The following KIF26B variants were observed in gnomAD, a reference collection of about 807,000 sequenced individuals.
KIF26B encodes kinesin-like protein KIF26B.
In KIF26B, 63 loss-of-function variants were observed where a neutral mutation model predicts 151.2. The observed-to-expected ratio is 0.42, with a 90% CI of 0.34 to 0.51. KIF26B has a LOEUF of 0.51. Ranked by LOEUF, KIF26B falls within the 20% of genes least tolerant of loss-of-function variation. The pLI, the probability that KIF26B is intolerant of heterozygous loss-of-function variation, is 0.07. For missense variants in KIF26B, 2,813 were observed against 2,913.6 expected, an observed-to-expected ratio of 0.97 and a Z score of 0.79; for synonymous variants, 1,357 against 1,262.1, an observed-to-expected ratio of 1.08 and a Z score of -1.59.
intron 2 of KIF26B, among the ~76,000 whole-genome samples, chr1:245,259,108 G>A (rs1375359911): frequency 6.6e-6 from 1 of 152,220 alleles, no homozygotes; most frequent in Non-Finnish European, 1.5e-5. Context: ...AAGTTACATG[G>A]CAGTGCTGGC....
chr1:245,641,141 A>G (rs1490146535), intron 9 of KIF26B, among the ~76,000 whole-genome samples: 1 of 152,018 alleles, frequency 6.6e-6, no homozygotes, highest in Non-Finnish European at 1.5e-5. Context: ...AGCACTTTGA[A>G]TAATATCATC....
intron 4 of KIF26B, chr1:245,511,103 T>C: frequency 1.4e-6 from 1 of 717,504 alleles, no homozygotes; most frequent in South Asian, 1.5e-5. Context: ...CCATGACTTA[T>C]CAATGATGAT....
At chr1:245,335,656 G>A (rs888812092) in intron 2 of KIF26B, among the ~76,000 whole-genome samples, 2 of 148,652 alleles carry the variant, frequency 1.3e-5, no homozygotes, top group Non-Finnish European at 3.0e-5. Context: ...GAGGGGAAAG[G>A]GGGGTCCCAC....
rs767053863 is a variant in KIF26B at position 245,686,928 on chromosome 1, C to T, written c.3945C>T (p.Ala1315=). 1.2e-5 allele frequency: 19 copies of T among 1,613,234 alleles called. No individual in the cohort carries two copies. Among genetic ancestry groups the T allele is most frequent in the Non-Finnish European group, 1.5e-5 (18 of 1,179,738 alleles). The change falls in exon 12 of 15, where the codon GCC becomes GCT. Residue 1315 remains alanine, a synonymous_variant. Coordinates refer to ENST00000407071, the MANE Select transcript of KIF26B (RefSeq NM_018012.4). The surrounding 1 kb of genome is among the most constrained non-coding windows in gnomAD (Gnocchi z 5.6). ...GGGAGGCAATGGCAGAACCTGTGGCCTCGGAGTTTGTCAGCAGCCTCCAGA... is the reference window on the plus strand; with the variant it reads ...GGGAGGCAATGGCAGAACCTGTGGCTTCGGAGTTTGTCAGCAGCCTCCAGA... ...GHGEAMAEPV[A]SEFVSSLQNT...
At chr1:245,209,438 C>T (rs997874102) in intron 2 of KIF26B, among the ~76,000 whole-genome samples, 1 of 151,714 alleles carries the variant, frequency 6.6e-6, no homozygotes, top group African/African-American at 2.4e-5. Flanking sequence ...AAAAAGAAAA[C>T]ATTAACAAAT....
chr1:245,656,315 C>T (rs1028294623), intron 10 of KIF26B, among the ~76,000 whole-genome samples: 2 of 152,218 alleles, frequency 1.3e-5, no homozygotes, highest in Admixed American at 6.5e-5. Flanking sequence ...TCTCTACTCA[C>T]GCTCATCTGT....
rs180733050 is a variant in KIF26B at position 245,280,429 on chromosome 1, G to T, written c.466-86405G>T. ...GCCTATACTCCCAGTTGCTCGGGAG[G>T]CTGAGGCAGGAGAATGGCGTGAACC... On this transcript the variant is annotated intron_variant, in intron 2 of 14. Coordinates refer to ENST00000407071, the MANE Select transcript of KIF26B (RefSeq NM_018012.4). Among the ~76,000 whole-genome samples, 303 of 149,850 alleles carry T rather than the reference G, an allele frequency of 2.0e-3. 2 individuals are homozygous for T. Among genetic ancestry groups the T allele is most frequent in the African/African-American group, 7.2e-3 (292 of 40,746 alleles).
intron 2 of KIF26B, chr1:245,283,164 C>A (rs1444695810): frequency 1.3e-5 from 2 of 159,032 alleles, no homozygotes; most frequent in African/African-American, 2.4e-5. Flanking sequence ...TCAAAAACAA[C>A]ACGCCTTTAC....
At chr1:245,382,470 T>A (rs945731685) in intron 3 of KIF26B, among the ~76,000 whole-genome samples, 2 of 152,168 alleles carry the variant, frequency 1.3e-5, no homozygotes, top group African/African-American at 4.8e-5. Context: ...CTGTGAAGAT[T>A]AAGTTCATTA....
At chr1:245,604,118 A>G (rs1213567937) in intron 6 of KIF26B, among the ~76,000 whole-genome samples, 1 of 152,172 alleles carries the variant, frequency 6.6e-6, no homozygotes, top group Admixed American at 6.5e-5. Flanking sequence ...GATTGCAGAA[A>G]TGAATAACCC....
At chr1:245,677,194 C>G (rs1405146768) in intron 10 of KIF26B, among the ~76,000 whole-genome samples, 1 of 152,212 alleles carries the variant, frequency 6.6e-6, no homozygotes, top group Admixed American at 6.5e-5. Flanking sequence ...AAGGCTGGTC[C>G]TTCAGCCAGA....
At chr1:245,504,956 TGA>T (rs1239404196) in intron 4 of KIF26B, among the ~76,000 whole-genome samples, 1 of 152,230 alleles carries the variant, frequency 6.6e-6, no homozygotes, top group East Asian at 1.9e-4. Context: ...TTTTATTTTT[TGA>T]GAGAGAGTCT....
chr1:245,383,626 C>T (rs1010070595), intron 3 of KIF26B, among the ~76,000 whole-genome samples: 3 of 152,196 alleles, frequency 2.0e-5, no homozygotes, highest in African/African-American at 7.2e-5. Context: ...ACAGCCAGTG[C>T]TTCATCATAG....
At chr1:245,466,970 C>T (rs2103061323) in intron 4 of KIF26B, among the ~76,000 whole-genome samples, 1 of 152,298 alleles carries the variant, frequency 6.6e-6, no homozygotes, top group East Asian at 1.9e-4. Flanking sequence ...TTTCTGGTTT[C>T]TTAAATGAAT....
At chr1:245,181,503 C>T (rs1252811452) in intron 2 of KIF26B, among the ~76,000 whole-genome samples, 2 of 135,372 alleles carry the variant, frequency 1.5e-5, no homozygotes, top group East Asian at 2.2e-4. Context: ...GAGAGAAAAA[C>T]GTAGTAAAGT....
intron 10 of KIF26B, among the ~76,000 whole-genome samples, chr1:245,655,475 T>C (rs2044063370): frequency 6.6e-6 from 1 of 152,198 alleles, no homozygotes; most frequent in Non-Finnish European, 1.5e-5. Context: ...ATTTATTCAA[T>C]GAGAGTTTGT....
intron 12 of KIF26B, among the ~76,000 whole-genome samples, chr1:245,691,093 C>T (rs1032815556): frequency 2.0e-5 from 3 of 152,238 alleles, no homozygotes; most frequent in African/African-American, 4.8e-5. Flanking sequence ...TTCATGGACT[C>T]AAATTTAGTG....
intron 2 of KIF26B, among the ~76,000 whole-genome samples, chr1:245,291,019 CT>C (rs1314505184): frequency 6.6e-6 from 1 of 152,182 alleles, no homozygotes; most frequent in African/African-American, 2.4e-5. Context: ...GGTGTTGTCT[CT>C]TTTCCCTGTG....
At chr1:245,471,616 G>A (rs1659916328) in intron 4 of KIF26B, among the ~76,000 whole-genome samples, 1 of 152,104 alleles carries the variant, frequency 6.6e-6, no homozygotes, top group Non-Finnish European at 1.5e-5. Flanking sequence ...ACGTACTCAT[G>A]AGTGACTTCT....
Sources: gnomAD v4.1 joint callset for allele counts (sites outside exome capture counted in the v4.1 genomes callset) on GRCh38, gnomAD v4.1.1 for gene constraint, Gnocchi (gnomAD v3.1) non-coding constraint, MANE v1.5 for transcripts, NCBI Gene and HGNC (gene_info 2026-07-23, HGNC 2026-07-21) for gene names.